SUGCT: variants seen among roughly 807,000 people sequenced by gnomAD.
The protein encoded by SUGCT is succinyl-CoA:glutarate-CoA transferase.
A neutral mutation model predicts 55.0 loss-of-function variants in SUGCT; 41 were observed. That is an observed-to-expected ratio of 0.74 (90% confidence interval 0.58 to 0.97). The LOEUF (loss-of-function observed/expected upper bound fraction) is 0.97, where lower values mean the gene tolerates loss of function less well. Ranked by LOEUF, SUGCT falls within the 50% of genes least tolerant of loss-of-function variation. The pLI is 0.00. For synonymous variants in SUGCT, 187 were observed against 200.4 expected, an observed-to-expected ratio of 0.93 and a Z score of 0.56; for missense variants, 568 against 547.8, an observed-to-expected ratio of 1.04 and a Z score of -0.37.
intron 12 of SUGCT, among the ~76,000 whole-genome samples, chr7:40,547,313 A>G (rs769419974): frequency 1.3e-5 from 2 of 152,212 alleles, no homozygotes; most frequent in African/African-American, 4.8e-5. Flanking sequence ...ATCTCTTCCA[A>G]CAACAAACTC....
chr7:40,204,100 C>T (rs1198097853), intron 6 of SUGCT, among the ~76,000 whole-genome samples: 5 of 150,586 alleles, frequency 3.3e-5, no homozygotes, highest in African/African-American at 7.3e-5. Flanking sequence ...GTGATCCTCC[C>T]GCTTCAGCCT....
At chr7:40,770,403 A>G (rs1017407283) in intron 13 of SUGCT, among the ~76,000 whole-genome samples, 2 of 151,948 alleles carry the variant, frequency 1.3e-5, no homozygotes, top group African/African-American at 4.8e-5. Flanking sequence ...TCATTGCTCC[A>G]CCTTCCCTGG....
intron 6 of SUGCT, among the ~76,000 whole-genome samples, chr7:40,214,427 A>G (rs1038108320): frequency 1.2e-4 from 19 of 152,268 alleles, no homozygotes; most frequent in African/African-American, 4.3e-4. Flanking sequence ...GGTAGCTTCA[A>G]TTATCATTTT....
chr7:40,688,883 T>G (rs1784573073), intron 12 of SUGCT, among the ~76,000 whole-genome samples: 1 of 152,138 alleles, frequency 6.6e-6, no homozygotes, highest in African/African-American at 2.4e-5. Context: ...CTGTTCATAT[T>G]TTAAAAAAAA....
At chr7:40,997,919 G>T in the SUGCT span, among the ~76,000 whole-genome samples, 2 of 151,886 alleles carry the variant, frequency 1.3e-5, no homozygotes, top group African/African-American at 2.4e-5. Context: ...TCCTCTAAGG[G>T]TGCTTGCCCT....
intron 12 of SUGCT, among the ~76,000 whole-genome samples, chr7:40,611,059 C>A (rs1798745471): frequency 6.6e-6 from 1 of 152,130 alleles, no homozygotes; most frequent in Non-Finnish European, 1.5e-5. Flanking sequence ...TGACTCCAGG[C>A]CTTGTCTGCC....
the SUGCT span, among the ~76,000 whole-genome samples, chr7:41,028,531 C>T: frequency 6.6e-6 from 1 of 152,206 alleles, no homozygotes; most frequent in Non-Finnish European, 1.5e-5. Flanking sequence ...GCAGAGCCCA[C>T]TACACACCTA....
Position 40,259,581 on chromosome 7 carries a change from G to A in SUGCT, c.577-14932G>A, listed in dbSNP as rs567816207. On this transcript the variant is annotated intron_variant, in intron 7 of 13. Coordinates refer to ENST00000335693, the MANE Select transcript of SUGCT (RefSeq NM_001193313.2). ...TACACAGTACATATATACAATAAAA[G>A]AAGAAATACATGGTTGTAAAGTGAT... is the stretch of plus-strand genomic sequence containing the variant. 2.4e-4 allele frequency among the ~76,000 whole-genome samples: 37 copies of A among 152,260 alleles called. No homozygotes were observed. In the South Asian group the frequency reaches 6.8e-3, roughly 28 times the overall value.
chr7:40,233,498 C>T (rs1048559044), intron 6 of SUGCT, among the ~76,000 whole-genome samples: 1 of 151,980 alleles, frequency 6.6e-6, no homozygotes, highest in African/African-American at 2.4e-5. Flanking sequence ...GGATTACAGG[C>T]GAGAGCCACG....
intron 13 of SUGCT, among the ~76,000 whole-genome samples, chr7:40,767,879 A>G (rs940955207): frequency 1.3e-5 from 2 of 152,178 alleles, no homozygotes; most frequent in African/African-American, 4.8e-5. Context: ...TGATTTTCCC[A>G]TATCCTGGAA....
intron 12 of SUGCT, among the ~76,000 whole-genome samples, chr7:40,626,740 G>A (rs935283167): frequency 6.6e-6 from 1 of 152,066 alleles, no homozygotes; most frequent in Non-Finnish European, 1.5e-5. Context: ...CTAGTTCTGG[G>A]TCTTATTGTG....
At chr7:40,279,656 T>G (rs1562641153) in intron 8 of SUGCT, among the ~76,000 whole-genome samples, 1 of 152,190 alleles carries the variant, frequency 6.6e-6, no homozygotes, top group Non-Finnish European at 1.5e-5. Flanking sequence ...AATTATTTTA[T>G]CATAATTATG....
At chr7:40,967,458 C>T in the SUGCT span, among the ~76,000 whole-genome samples, 1 of 152,206 alleles carries the variant, frequency 6.6e-6, no homozygotes, top group African/African-American at 2.4e-5. Context: ...GATCCTCCCA[C>T]ACCCAAGCAA....
chr7:40,136,797 C>T (rs1003607272), intron 1 of SUGCT, among the ~76,000 whole-genome samples: 1 of 152,080 alleles, frequency 6.6e-6, no homozygotes, highest in Admixed American at 6.5e-5. Flanking sequence ...AGTTGAAGAC[C>T]AGCCTGGGCA....
intron 8 of SUGCT, among the ~76,000 whole-genome samples, chr7:40,282,699 G>A (rs757419315): frequency 3.3e-5 from 5 of 151,482 alleles, no homozygotes; most frequent in Non-Finnish European, 7.4e-5. Flanking sequence ...ATGAGACCCT[G>A]TCTATACAAA....
At chr7:40,477,967 C>A (rs2151482239) in intron 11 of SUGCT, among the ~76,000 whole-genome samples, 1 of 152,176 alleles carries the variant, frequency 6.6e-6, no homozygotes, top group East Asian at 1.9e-4. Flanking sequence ...ACAACAGCAT[C>A]CCCAACAAAT....
intron 12 of SUGCT, among the ~76,000 whole-genome samples, chr7:40,533,309 C>G (rs755279391): frequency 1.4e-4 from 21 of 151,972 alleles, no homozygotes; most frequent in Non-Finnish European, 2.2e-4. Flanking sequence ...CTTTCTTTTA[C>G]TTTGCTTAAA....
chr7:40,505,668 G>GA (rs1310867234), intron 12 of SUGCT, among the ~76,000 whole-genome samples: 1 of 151,898 alleles, frequency 6.6e-6, no homozygotes, highest in Non-Finnish European at 1.5e-5. Context: ...ATATACATAT[G>GA]AAACACATCT....
intron 13 of SUGCT, among the ~76,000 whole-genome samples, chr7:40,765,520 T>TA (rs1389697020): frequency 6.7e-6 from 1 of 149,982 alleles, no homozygotes; most frequent in Non-Finnish European, 1.5e-5. Context: ...AAATAAAAAA[T>TA]AAAAAATAAC....
Sources: gnomAD v4.1 joint callset for allele counts (sites outside exome capture counted in the v4.1 genomes callset) on GRCh38, gnomAD v4.1.1 for gene constraint, MANE v1.5 for transcripts, NCBI Gene and HGNC (gene_info 2026-07-23, HGNC 2026-07-21) for gene names.